ADAM22: variants seen among roughly 807,000 people sequenced by gnomAD.
The protein encoded by ADAM22 is ADAM metallopeptidase domain 22.
In ADAM22, 65 loss-of-function variants were observed where a neutral mutation model predicts 144.6. The observed-to-expected ratio is 0.45, with a 90% CI of 0.37 to 0.55. ADAM22 has a LOEUF of 0.55. Among genes scored for constraint, ADAM22 ranks in the 20% least tolerant of loss-of-function variants. The probability of loss-of-function intolerance (pLI) is 0.00; values close to 1 mark genes in which losing one functional copy is unlikely to be tolerated. For missense variants in ADAM22, 974 were observed against 1,184.9 expected (o/e 0.82, Z 2.61); for synonymous variants, 391 against 412.6 (o/e 0.95, Z 0.63).
chr7:88,151,132 C>T, intron 19 of ADAM22, 101 bp downstream of exon 19: 3 of 1,517,472 alleles, frequency 2.0e-6, no homozygotes, highest in Non-Finnish European at 2.7e-6. Context: ...TGTTTGTAAT[C>T]AATTCTGAAG....
intron 22 of ADAM22, among the ~76,000 whole-genome samples, chr7:88,159,991 A>G (rs1228188674): frequency 1.3e-5 from 2 of 152,182 alleles, no homozygotes; most frequent in Admixed American, 6.6e-5. Flanking sequence ...ACGTGATTCT[A>G]TATCTAGAAA....
intron 3 of ADAM22, among the ~76,000 whole-genome samples, chr7:88,040,429 G>A (rs1440979514): frequency 6.6e-6 from 1 of 151,946 alleles, no homozygotes; most frequent in African/African-American, 2.4e-5. Context: ...ACTGAGCCTA[G>A]CCAACACATC....
intron 3 of ADAM22, among the ~76,000 whole-genome samples, chr7:88,005,633 G>T (rs1442732514): frequency 6.6e-6 from 1 of 152,080 alleles, no homozygotes; most frequent in African/African-American, 2.4e-5. Context: ...TGGATGAAGG[G>T]ATTGGGCAGA....
chr7:88,057,421 G>GT (rs1406907723), intron 3 of ADAM22, among the ~76,000 whole-genome samples: 1 of 152,032 alleles, frequency 6.6e-6, no homozygotes, highest in Admixed American at 6.6e-5. Context: ...TAAGGAAACT[G>GT]TTTTTTCTTG....
intron 14 of ADAM22, among the ~76,000 whole-genome samples, chr7:88,136,553 C>T (rs542172015): frequency 3.9e-5 from 6 of 152,120 alleles, no homozygotes; most frequent in East Asian, 3.9e-4. Flanking sequence ...TTATACTGTC[C>T]TCCCTTTCAC....
chr7:88,075,535 G>A (rs528894232), intron 3 of ADAM22, 91 bp from the exon 4 acceptor site: 8 of 1,091,844 alleles, frequency 7.3e-6, no homozygotes, highest in African/African-American at 4.7e-5. Context: ...TTAAAGAATT[G>A]TTAAAGCAGA....
At chr7:88,195,546 C>T (rs551379383) in intron 31 of ADAM22, among the ~76,000 whole-genome samples, 1 of 152,116 alleles carries the variant, frequency 6.6e-6, no homozygotes, top group Non-Finnish European at 1.5e-5. Flanking sequence ...GATGGAGTCT[C>T]GCTCAGTCGC....
intron 2 of ADAM22, among the ~76,000 whole-genome samples, chr7:87,950,530 G>C (rs1206752006): frequency 2.7e-5 from 4 of 149,148 alleles, no homozygotes; most frequent in Non-Finnish European, 5.9e-5. Context: ...TCTTAATCCA[G>C]TCTATCATTG....
chr7:88,014,464 T>A (rs550451349), intron 3 of ADAM22, among the ~76,000 whole-genome samples: 2 of 152,104 alleles, frequency 1.3e-5, no homozygotes, highest in African/African-American at 2.4e-5. Context: ...TACTTTTGAC[T>A]GGGTGAAGTG....
chr7:88,021,436 C>T (rs979613366), intron 3 of ADAM22, among the ~76,000 whole-genome samples: 2 of 152,158 alleles, frequency 1.3e-5, no homozygotes, highest in African/African-American at 4.8e-5. Context: ...TGCTGAGGGT[C>T]ACAAAAGACA....
At chr7:88,007,928 A>G (rs1465682160) in intron 3 of ADAM22, among the ~76,000 whole-genome samples, 2 of 152,234 alleles carry the variant, frequency 1.3e-5, no homozygotes, top group Non-Finnish European at 2.9e-5. Context: ...GAGCTTCTGC[A>G]CAGCAAAAGA....
rs1209028283 is a variant in ADAM22, at chr7:87,985,097, A to G, written c.323+6685A>G. ...GGGAGGCTGAGGCGGGCGGATCACA[A>G]GGTCAGGAGATTGAGACTATCCTGG... On this transcript the variant is annotated intron_variant, in intron 3 of 31. Transcript: ENST00000413139. Among the ~76,000 whole-genome samples, 8 of 150,966 alleles carry G rather than the reference A, an allele frequency of 5.3e-5. No individual in the cohort carries two copies. In the South Asian group the frequency reaches 1.7e-3, roughly 31 times the overall value.
chr7:88,193,128 T>G lies in ADAM22; in HGVS notation c.2763T>G (p.Pro921=). Residue 921 remains proline (P), a synonymous_variant, in exon 31 of 32, where the codon CCT becomes CCG. Coordinates refer to ENST00000413139, the MANE Select transcript of ADAM22 (RefSeq NM_001324418.2). ...CTCAACATCTCAGGACTTTATCTCC[T>G]GCCAAGTCTCCTTCTTCATCAACTG... ...TEGPYFRTLS[P]AKSPSSSTGS... 1 of 1,614,066 alleles carries G rather than the reference T, an allele frequency of 6.2e-7. No homozygotes were observed. Among genetic ancestry groups the G allele is most frequent in the South Asian group, 1.1e-5 (1 of 91,074 alleles).
At chr7:88,030,239 C>G (rs1401561227) in intron 3 of ADAM22, among the ~76,000 whole-genome samples, 6 of 152,000 alleles carry the variant, frequency 3.9e-5, no homozygotes, top group Non-Finnish European at 8.8e-5. Flanking sequence ...ATTTCTTCTG[C>G]TTGATTAATT....
intron 23 of ADAM22, among the ~76,000 whole-genome samples, chr7:88,164,885 CCCTTAGTA>C (rs989959954): frequency 6.6e-6 from 1 of 152,050 alleles, no homozygotes; most frequent in African/African-American, 2.4e-5. Context: ...TGATTAAGGT[CCCTTAGTA>C]AGACAGGAGT....
At chr7:87,934,658 AGAT>A in intron 1 of ADAM22, 108 bp downstream of exon 1, 2 of 733,484 alleles carry the variant, frequency 2.7e-6, no homozygotes, top group Non-Finnish European at 3.9e-6. Context: ...GTGCGCGGGG[AGAT>A]TTTTTTTTTT....
At chr7:87,993,499 T>A in intron 3 of ADAM22, among the ~76,000 whole-genome samples, 1 of 152,176 alleles carries the variant, frequency 6.6e-6, no homozygotes, top group Non-Finnish European at 1.5e-5. Context: ...ACTGTGAAAT[T>A]CATTTCTTCA....
intron 3 of ADAM22, among the ~76,000 whole-genome samples, chr7:88,045,158 C>T: frequency 7.0e-6 from 1 of 141,902 alleles, no homozygotes; most frequent in Middle Eastern, 4.4e-3. Flanking sequence ...CCTGGGATTA[C>T]AGGCACCTGC....
intron 3 of ADAM22, among the ~76,000 whole-genome samples, chr7:88,057,951 C>T (rs1364548785): frequency 2.0e-5 from 3 of 152,268 alleles, no homozygotes; most frequent in Admixed American, 6.5e-5. Context: ...TCCATCATAA[C>T]GATTATGTGC....
Sources: gnomAD v4.1 joint callset for allele counts (sites outside exome capture counted in the v4.1 genomes callset) on GRCh38, gnomAD v4.1.1 for gene constraint, MANE v1.5 for transcripts, NCBI Gene and HGNC (gene_info 2026-07-23, HGNC 2026-07-21) for gene names.